CCBE1: variants seen among roughly 807,000 people sequenced by gnomAD.
The protein encoded by CCBE1 is collagen and calcium-binding EGF domain-containing protein 1.
CCBE1 carries 37 observed loss-of-function variants against 50.0 expected under a neutral mutation model. The ratio of observed to expected loss-of-function variants is 0.74; its 90% CI spans 0.57 to 0.97. The LOEUF (loss-of-function observed/expected upper bound fraction) is 0.97. Ranked by LOEUF, CCBE1 falls within the 50% of genes least tolerant of loss-of-function variation. CCBE1 has a pLI of 0.00. For synonymous variants in CCBE1, 234 were observed against 203.7 expected (o/e 1.15, Z -1.27); for missense variants, 538 against 523.8 (o/e 1.03, Z -0.26).
At chr18:59,674,780 G>A (rs973813020) in intron 2 of CCBE1, among the ~76,000 whole-genome samples, 2 of 152,180 alleles carry the variant, frequency 1.3e-5, no homozygotes, top group Admixed American at 1.3e-4. Flanking sequence ...GATATCTTGT[G>A]TAATCCACAA....
intron 2 of CCBE1, among the ~76,000 whole-genome samples, chr18:59,490,986 T>C (rs1913071995): frequency 6.6e-6 from 1 of 152,220 alleles, no homozygotes; most frequent in African/African-American, 2.4e-5. Context: ...AGACAGCGCA[T>C]GAAAGACTAT....
At chr18:59,591,511 T>C (rs2053269047) in intron 2 of CCBE1, among the ~76,000 whole-genome samples, 1 of 152,108 alleles carries the variant, frequency 6.6e-6, no homozygotes, top group Admixed American at 6.5e-5. Flanking sequence ...ACTCAACAAC[T>C]GGAGGGACTC....
intron 5 of CCBE1, among the ~76,000 whole-genome samples, chr18:59,461,631 C>G (rs1396850268): frequency 1.3e-5 from 2 of 151,420 alleles, no homozygotes; most frequent in African/African-American, 4.9e-5. Flanking sequence ...TTAGTAGAGT[C>G]ATATCAGGTT....
At chr18:59,556,032 C>T (rs964082108) in intron 2 of CCBE1, among the ~76,000 whole-genome samples, 2 of 152,156 alleles carry the variant, frequency 1.3e-5, no homozygotes, top group African/African-American at 4.8e-5. Context: ...TTTCAGGATT[C>T]GTGCAGAAGA....
intron 2 of CCBE1, among the ~76,000 whole-genome samples, chr18:59,581,598 A>T (rs1252371373): frequency 2.6e-5 from 4 of 152,188 alleles, no homozygotes; most frequent in African/African-American, 9.7e-5. Context: ...ATGGTTCCTA[A>T]CATTTTCAGT....
chr18:59,687,780 A>G (rs1652070), intron 2 of CCBE1, among the ~76,000 whole-genome samples: 135,947 of 152,164 alleles, frequency 0.89, 60,833 homozygotes, highest in Admixed American at 0.94. Context: ...CCAACATGGC[A>G]AAACCCCATC....
chr18:59,601,384 G>A (rs569385692), intron 2 of CCBE1, among the ~76,000 whole-genome samples: 1 of 152,088 alleles, frequency 6.6e-6, no homozygotes, highest in South Asian at 2.1e-4. Flanking sequence ...GAGATCTGAT[G>A]GTTTTATAAA....
At chr18:59,640,982 T>A (rs10445540) in intron 2 of CCBE1, among the ~76,000 whole-genome samples, 68,171 of 151,462 alleles carry the variant, frequency 0.45, 16,921 homozygotes, top group Non-Finnish European at 0.56. Context: ...AAATAACTGA[T>A]GCTGGTGAGG....
At position 59,685,003 on chromosome 18, in the gene CCBE1, TA is replaced by T. The variant is rs199761491; in HGVS notation, c.212+11625del. ...CATGTAGATGTCCCATCATACCATG[TA>T]AAAAAAAATGTGTTTGATACTCACA... On this transcript the variant is annotated intron_variant, in intron 2 of 10. Transcript: ENST00000439986. Among the ~76,000 whole-genome samples, 22 of 151,714 alleles carry T rather than the reference TA, an allele frequency of 1.5e-4. No homozygotes were observed. In the South Asian group the frequency reaches 3.1e-3, roughly 22 times the overall value.
intron 2 of CCBE1, among the ~76,000 whole-genome samples, chr18:59,523,092 C>A (rs1035151597): frequency 9.9e-5 from 15 of 151,530 alleles, no homozygotes; most frequent in African/African-American, 3.6e-4. Flanking sequence ...GACTTAGAAG[C>A]TTTTGATTGC....
At chr18:59,488,284 A>C (rs753098813) in intron 2 of CCBE1, among the ~76,000 whole-genome samples, 6 of 152,198 alleles carry the variant, frequency 3.9e-5, no homozygotes, top group African/African-American at 7.2e-5. Context: ...GATGCAGAAC[A>C]ATGTGAAAGT....
Position 59,476,366 on chromosome 18 carries a change from G to C in CCBE1, c.265+3820C>G, listed in dbSNP as rs1391604232. Among the ~76,000 whole-genome samples, 3 of 152,076 alleles carry C rather than the reference G, an allele frequency of 2.0e-5. No individual in the cohort carries two copies. The East Asian group carries it at 5.8e-4, about 29-fold the overall frequency. The stretch of plus-strand genomic sequence containing the variant: ...AAACCAGTACTGCTCCCTTCCCACA[G>C]TTTATGCTGAATTAATAATTGCTGA... On this transcript the variant is annotated intron_variant, in intron 3 of 10. Transcript: ENST00000439986.
At chr18:59,476,847 A>C (rs992750093) in intron 3 of CCBE1, among the ~76,000 whole-genome samples, 1 of 152,242 alleles carries the variant, frequency 6.6e-6, no homozygotes, top group Admixed American at 6.5e-5. Flanking sequence ...TCTCTGAATC[A>C]GTATCCAACA....
chr18:59,591,824 CA>C (rs767550892), intron 2 of CCBE1, among the ~76,000 whole-genome samples: 1 of 152,136 alleles, frequency 6.6e-6, no homozygotes, highest in Non-Finnish European at 1.5e-5. Context: ...GCTTCAGATA[CA>C]ATAAAAATGT....
chr18:59,536,641 A>G (rs1163035780), intron 2 of CCBE1, among the ~76,000 whole-genome samples: 5 of 152,218 alleles, frequency 3.3e-5, no homozygotes. Flanking sequence ...AACAGCCATG[A>G]AAACAACACG....
chr18:59,454,521 C>T (rs188721756), intron 6 of CCBE1, among the ~76,000 whole-genome samples: 4 of 152,330 alleles, frequency 2.6e-5, no homozygotes, highest in African/African-American at 7.2e-5. Context: ...GCTAGGATTA[C>T]AGGCGTGAGT....
At chr18:59,665,656 G>A (rs571589381) in intron 2 of CCBE1, among the ~76,000 whole-genome samples, 1 of 152,298 alleles carries the variant, frequency 6.6e-6, no homozygotes, top group African/African-American at 2.4e-5. Flanking sequence ...CAAAGTAAAA[G>A]CCTCTAACAT....
intron 2 of CCBE1, among the ~76,000 whole-genome samples, chr18:59,593,193 G>C (rs894948793): frequency 6.6e-6 from 1 of 152,144 alleles, no homozygotes; most frequent in Non-Finnish European, 1.5e-5. Context: ...TGGTATTCTA[G>C]ATCTGTGTTT....
intron 3 of CCBE1, among the ~76,000 whole-genome samples, chr18:59,475,707 A>G (rs764741856): frequency 4.0e-5 from 6 of 150,558 alleles, no homozygotes; most frequent in Non-Finnish European, 7.4e-5. Flanking sequence ...ATGCTCTGCT[A>G]TATTTATTTA....
Sources: gnomAD v4.1 joint callset for allele counts (sites outside exome capture counted in the v4.1 genomes callset) on GRCh38, gnomAD v4.1.1 for gene constraint, MANE v1.5 for transcripts, NCBI Gene and HGNC (gene_info 2026-07-23, HGNC 2026-07-21) for gene names.